NFX1: variants seen among roughly 807,000 people sequenced by gnomAD.
NFX1 encodes the protein nuclear transcription factor, X-box binding 1.
Under a neutral mutation model 137.2 loss-of-function variants are expected in NFX1, and 69 were observed. That is an observed-to-expected ratio of 0.50 (90% confidence interval 0.41 to 0.61). The LOEUF (loss-of-function observed/expected upper bound fraction) is 0.61. Among genes scored for constraint, NFX1 ranks in the 20% least tolerant of loss-of-function variants. The pLI, the probability that NFX1 is intolerant of heterozygous loss-of-function variation, is 0.00. For synonymous variants in NFX1, 495 were observed against 474.1 expected (o/e 1.04, Z -0.57); for missense variants, 1,167 against 1,391.0 (o/e 0.84, Z 2.56).
chr9:33,364,882 A>T, intron 21 of NFX1, 108 bp downstream of exon 21: 2 of 1,525,252 alleles, frequency 1.3e-6, no homozygotes, highest in South Asian at 2.5e-5. Flanking sequence ...TTGTAGGAAA[A>T]AGTCACAACT....
chr9:33,311,270 C>T, intron 6 of NFX1, 93 bp downstream of exon 6: 1 of 1,116,780 alleles, frequency 9.0e-7, no homozygotes, highest in Non-Finnish European at 1.3e-6. Context: ...TAGGTAGATA[C>T]AAATAAATGG....
At chr9:33,310,000 T>G (rs1587828174) in intron 5 of NFX1, among the ~76,000 whole-genome samples, 1 of 152,308 alleles carries the variant, frequency 6.6e-6, no homozygotes, top group Non-Finnish European at 1.5e-5. Flanking sequence ...AAAATATAAC[T>G]GTTGAATAAT....
chr9:33,357,680 C>T (rs1347504396), intron 19 of NFX1, among the ~76,000 whole-genome samples: 1 of 151,704 alleles, frequency 6.6e-6, no homozygotes, highest in African/African-American at 2.4e-5. Flanking sequence ...TACAGGCACA[C>T]ACCACTACGC....
intron 12 of NFX1, among the ~76,000 whole-genome samples, chr9:33,342,289 G>A (rs950689728): frequency 2.0e-5 from 3 of 151,902 alleles, no homozygotes; most frequent in Non-Finnish European, 4.4e-5. Context: ...GTGAAACCTC[G>A]TCTCTACTAA....
rs1823273843 is a variant in NFX1, at chr9:33,342,740, T to G, written c.2116-6T>G. ...TTTATGAACAAATATAAATCTCTTT[T>G]CCCAGGATAAGGAGCACAAGTGTCC... On this transcript the variant is annotated splice_polypyrimidine_tract_variant and splice_region_variant and intron_variant, in intron 12 of 23. Transcript: ENST00000379540. 1 of 1,593,044 alleles carries G rather than the reference T, an allele frequency of 6.3e-7. No individual in the cohort carries two copies. The highest frequency in any genetic ancestry group is 1.1e-5 in the South Asian group (1 of 87,550).
At chr9:33,303,341 C>T (rs771372990) in intron 4 of NFX1, 73 bp downstream of exon 4, 61 of 1,303,074 alleles carry the variant, frequency 4.7e-5, no homozygotes, top group Middle Eastern at 3.7e-4. Context: ...AGGTGGTCTG[C>T]GGGGCATGTT....
intron 17 of NFX1, 100 bp downstream of exon 17, chr9:33,352,819 G>C: frequency 1.2e-6 from 1 of 815,594 alleles, no homozygotes. Context: ...AGTGGGAGTG[G>C]AGAAGAAACG....
intron 5 of NFX1, among the ~76,000 whole-genome samples, 175 bp downstream of exon 5, chr9:33,307,474 T>C (rs555695817): frequency 1.3e-5 from 2 of 152,350 alleles, no homozygotes; most frequent in East Asian, 1.9e-4. Flanking sequence ...ACTTGTTGAA[T>C]CCTTACCACA....
intron 9 of NFX1, among the ~76,000 whole-genome samples, chr9:33,320,020 G>A (rs1317051381): frequency 2.7e-5 from 4 of 149,944 alleles, no homozygotes; most frequent in Admixed American, 6.6e-5. Context: ...AGAGTGCAGT[G>A]GCGTGATTTT....
intron 19 of NFX1, among the ~76,000 whole-genome samples, chr9:33,361,810 C>T (rs1263552718): frequency 2.0e-5 from 3 of 149,790 alleles, no homozygotes; most frequent in Admixed American, 6.7e-5. Context: ...TATATATATA[C>T]ACATAGAGAG....
intron 19 of NFX1, among the ~76,000 whole-genome samples, chr9:33,356,583 G>A (rs1460395466): frequency 6.6e-6 from 1 of 151,898 alleles, no homozygotes; most frequent in Non-Finnish European, 1.5e-5. Context: ...TCTATCCTGA[G>A]GCAATGACAA....
Position 33,303,258 on chromosome 9 carries a change from T to G in NFX1, c.1260T>G (p.Thr420=). 1 of 1,613,982 alleles carries G rather than the reference T, an allele frequency of 6.2e-7. No homozygotes were observed. The change falls in exon 4 of 24, where the codon ACT becomes ACG. Residue 420 remains threonine (T), a synonymous_variant. Coordinates refer to ENST00000379540, the MANE Select transcript of NFX1 (RefSeq NM_002504.6). ...NVSAHVPNTY[T]CFCGKVKNPE... ...CTGCACATGTTCCTAATACCTACAC[T>G]TGTTTCTGTGGTAAGTTTGTTTATA...
At position 33,342,729 on chromosome 9, in the gene NFX1, T is replaced by C. The variant is rs575018320; in HGVS notation, c.2116-17T>C. 4.5e-6 allele frequency: 7 copies of C among 1,557,402 alleles called. No individual in the cohort carries two copies. Among genetic ancestry groups the C allele is most frequent in the Non-Finnish European group, 6.1e-6 (7 of 1,144,482 alleles). ...ATGAAGACCATTTTATGAACAAATATAAATCTCTTTTCCCAGGATAAGGAG... is the reference window on the plus strand; with the variant it reads ...ATGAAGACCATTTTATGAACAAATACAAATCTCTTTTCCCAGGATAAGGAG... On this transcript the variant is annotated splice_polypyrimidine_tract_variant and intron_variant, in intron 12 of 23. Coordinates refer to ENST00000379540, the MANE Select transcript of NFX1 (RefSeq NM_002504.6).
intron 1 of NFX1, among the ~76,000 whole-genome samples, chr9:33,292,537 C>A (rs901295921): frequency 7.2e-5 from 11 of 152,214 alleles, no homozygotes; most frequent in African/African-American, 2.7e-4. Flanking sequence ...ATCCTGTTTA[C>A]TAACTTCCAG....
chr9:33,318,891 T>C lies in NFX1; in HGVS notation c.1689-19T>C. 1 of 1,614,182 alleles carries C rather than the reference T, an allele frequency of 6.2e-7. No individual in the cohort carries two copies. ...TGCACTTTATGCAACAATTATGTAATAGTGTGTTTTCTTAACAGGGACTTG... is the reference window on the plus strand; with the variant it reads ...TGCACTTTATGCAACAATTATGTAACAGTGTGTTTTCTTAACAGGGACTTG... On this transcript the variant is annotated intron_variant, in intron 8 of 23. Transcript: ENST00000379540.
At chr9:33,302,088 A>AT (rs559417937) in intron 3 of NFX1, among the ~76,000 whole-genome samples, 191 of 150,436 alleles carry the variant, frequency 1.3e-3, no homozygotes, top group African/African-American at 3.9e-3. Context: ...ACAAAAAAAC[A>AT]TTTTTTTTTC....
intron 16 of NFX1, among the ~76,000 whole-genome samples, chr9:33,352,088 C>A (rs1284146479): frequency 6.6e-6 from 1 of 152,130 alleles, no homozygotes; most frequent in Non-Finnish European, 1.5e-5. Context: ...GTATAAATGT[C>A]TTTTGTGCAA....
At chr9:33,310,521 A>G (rs960109473) in intron 5 of NFX1, among the ~76,000 whole-genome samples, 6 of 152,192 alleles carry the variant, frequency 3.9e-5, no homozygotes, top group African/African-American at 1.2e-4. Flanking sequence ...GACCTATAGC[A>G]TATCACTCAG....
intron 19 of NFX1, among the ~76,000 whole-genome samples, chr9:33,359,579 A>G (rs571425919): frequency 6.6e-6 from 1 of 152,164 alleles, no homozygotes; most frequent in Admixed American, 6.5e-5. Context: ...AGCCTAGACG[A>G]TACAGCAAGA....
Sources: allele counts gnomAD v4.1 joint callset (sites outside exome capture counted in the v4.1 genomes callset), GRCh38; gene constraint gnomAD v4.1.1; transcripts MANE v1.5; gene names NCBI Gene and HGNC (gene_info 2026-07-23, HGNC 2026-07-21).